METTL15: variants seen among roughly 807,000 people sequenced by gnomAD.
METTL15 encodes the protein methyltransferase 15, mitochondrial 12S rRNA N4-cytidine, also known as 12S rRNA N(4)-cytidine methyltransferase METTL15.
Under a neutral mutation model 38.3 loss-of-function variants are expected in METTL15, and 34 were observed. The ratio of observed to expected loss-of-function variants is 0.89; its 90% CI spans 0.68 to 1.18. The LOEUF (loss-of-function observed/expected upper bound fraction) is 1.18, where lower values mean the gene tolerates loss of function less well. METTL15 is among the 50% of genes most tolerant of loss of function. The pLI, the probability that METTL15 is intolerant of heterozygous loss-of-function variation, is 0.00. For missense variants in METTL15, 438 were observed against 498.4 expected, an observed-to-expected ratio of 0.88 and a Z score of 1.15; for synonymous variants, 162 against 170.9, an observed-to-expected ratio of 0.95 and a Z score of 0.41.
At chr11:28,383,086 C>T (rs1242352508) in intron 5 of METTL15, among the ~76,000 whole-genome samples, 4 of 151,780 alleles carry the variant, frequency 2.6e-5, no homozygotes, top group African/African-American at 4.8e-5. Context: ...GCATAGTACT[C>T]GAAAGGTAGA....
At chr11:28,148,393 C>T (rs1478480105) in intron 3 of METTL15, among the ~76,000 whole-genome samples, 5 of 151,682 alleles carry the variant, frequency 3.3e-5, no homozygotes, top group Non-Finnish European at 5.9e-5. Context: ...AATCTCTATT[C>T]CCTGCTATTT....
intron 4 of METTL15, among the ~76,000 whole-genome samples, chr11:28,247,351 A>G (rs1252529928): frequency 6.6e-6 from 1 of 152,160 alleles, no homozygotes; most frequent in African/African-American, 2.4e-5. Context: ...AAAGTTCTAC[A>G]TATTTGAAAT....
intron 4 of METTL15, among the ~76,000 whole-genome samples, chr11:28,251,450 T>C (rs1031683756): frequency 2.0e-5 from 3 of 152,134 alleles, no homozygotes; most frequent in Non-Finnish European, 4.4e-5. Flanking sequence ...GCTAATTTTA[T>C]ATTTGGCTAG....
At chr11:28,112,805 A>T (rs181541524) in intron 2 of METTL15, among the ~76,000 whole-genome samples, 3 of 152,292 alleles carry the variant, frequency 2.0e-5, no homozygotes, top group East Asian at 3.9e-4. Context: ...GTGCATGCGT[A>T]GTCTTTTCCC....
chr11:28,353,931 CAAAAA>C (rs374097845), intron 4 of METTL15, among the ~76,000 whole-genome samples: 1 of 46,352 alleles, frequency 2.2e-5, no homozygotes, highest in Non-Finnish European at 4.4e-5. Flanking sequence ...GACTCCGTCT[CAAAAA>C]AAAAAAAAAA....
At position 28,320,569 on chromosome 11, in the gene METTL15, A is replaced by G. The variant is rs187326709; in HGVS notation, c.779-9827A>G. Among the ~76,000 whole-genome samples the G allele has an allele frequency of 2.6e-5, 4 of 151,676 alleles. No homozygotes were observed. The South Asian group carries it at 6.3e-4, about 24-fold the overall frequency. ...TGAGACCCTGTGCCCCCGACCCCCC[A>G]AAAAAAATACCTGTGCAGAAAGGTG... On this transcript the variant is annotated intron_variant, in intron 6 of 6. Transcript: ENST00000407364.
chr11:28,262,032 A>C (rs1015502473), intron 4 of METTL15, among the ~76,000 whole-genome samples: 11 of 152,192 alleles, frequency 7.2e-5, no homozygotes, highest in African/African-American at 2.7e-4. Context: ...CTGGCTCTAA[A>C]GTCTACTCTT....
chr11:28,236,867 G>A (rs751455425), intron 4 of METTL15, among the ~76,000 whole-genome samples: 2 of 152,036 alleles, frequency 1.3e-5, no homozygotes, highest in Non-Finnish European at 2.9e-5. Context: ...ATGAAGCTTC[G>A]TTTGGCTGGA....
At chr11:28,407,698 G>A (rs184000431) in intron 5 of METTL15, among the ~76,000 whole-genome samples, 271 of 152,160 alleles carry the variant, frequency 1.8e-3, no homozygotes, top group African/African-American at 5.7e-3. Context: ...ATGCTTTTAC[G>A]CTGTTGGTGG....
At chr11:28,138,487 C>G (rs1016182564) in intron 3 of METTL15, among the ~76,000 whole-genome samples, 2 of 152,178 alleles carry the variant, frequency 1.3e-5, no homozygotes, top group Non-Finnish European at 2.9e-5. Flanking sequence ...AAGCCTCAAT[C>G]AAGGTTATGG....
At chr11:28,358,628 T>C (rs1312894901) in intron 4 of METTL15, among the ~76,000 whole-genome samples, 1 of 152,192 alleles carries the variant, frequency 6.6e-6, no homozygotes, top group Non-Finnish European at 1.5e-5. Flanking sequence ...TTATGTAGTT[T>C]CATTGTAGTA....
intron 3 of METTL15, among the ~76,000 whole-genome samples, chr11:28,174,221 T>C (rs1044384356): frequency 3.3e-5 from 5 of 152,370 alleles, no homozygotes; most frequent in Admixed American, 2.6e-4. Flanking sequence ...CTTTTATTTA[T>C]ATCAGTATGG....
At chr11:28,341,328 GCTATT>G (rs1356716468) in intron 3 of METTL15, among the ~76,000 whole-genome samples, 3 of 151,982 alleles carry the variant, frequency 2.0e-5, no homozygotes, top group African/African-American at 4.8e-5. Context: ...AAAAAAATTT[GCTATT>G]CTATTTACTC....
chr11:28,286,726 G>T (rs1049838317), intron 4 of METTL15, among the ~76,000 whole-genome samples: 1 of 152,126 alleles, frequency 6.6e-6, no homozygotes, highest in South Asian at 2.1e-4. Flanking sequence ...GTTATTATGT[G>T]TTCCTTAACT....
chr11:28,444,972 G>A (rs965871494), intron 6 of METTL15, among the ~76,000 whole-genome samples: 3 of 152,234 alleles, frequency 2.0e-5, no homozygotes, highest in East Asian at 1.9e-4. Context: ...GACTGGGACC[G>A]AGGAGCTGGC....
rs1219404791 is a variant in METTL15 at position 28,502,702 on chromosome 11, T to TTTTCTCTGAAGGC, written c.*425-23773_*425-23761dup. 2.6e-5 allele frequency among the ~76,000 whole-genome samples: 4 copies of TTTTCTCTGAAGGC among 152,300 alleles called. No individual in the cohort carries two copies. In the East Asian group the frequency reaches 7.7e-4, roughly 29 times the overall value. On this transcript the variant is annotated intron_variant and NMD_transcript_variant, in intron 6 of 7. Coordinates refer to the METTL15 transcript ENST00000532947. ...TGTAAAAAGAAATAATTTTTTTCCC[T>TTTTCTCTGAAGGC]TTTCTCTGAAGGCTTGTGACCACTG...
At chr11:28,412,480 G>A (rs529316356) in intron 5 of METTL15, among the ~76,000 whole-genome samples, 1 of 151,832 alleles carries the variant, frequency 6.6e-6, no homozygotes, top group South Asian at 2.1e-4. Context: ...TTCTGTTATG[G>A]TGATATATAA....
intron 5 of METTL15, among the ~76,000 whole-genome samples, chr11:28,398,121 G>C (rs1441248951): frequency 6.6e-6 from 1 of 151,946 alleles, no homozygotes; most frequent in East Asian, 1.9e-4. Context: ...ATAGCATTAG[G>C]AGATATACCT....
At chr11:28,377,568 T>A (rs1408612941) in intron 5 of METTL15, among the ~76,000 whole-genome samples, 1 of 151,432 alleles carries the variant, frequency 6.6e-6, no homozygotes, top group Non-Finnish European at 1.5e-5. Flanking sequence ...TTCTAAATTT[T>A]TTTCAAAGTT....
Sources: allele counts gnomAD v4.1 joint callset (sites outside exome capture counted in the v4.1 genomes callset), GRCh38; gene constraint gnomAD v4.1.1; transcripts MANE v1.5; gene names NCBI Gene and HGNC (gene_info 2026-07-23, HGNC 2026-07-21).